The following AGR2 variants were observed in gnomAD, a reference collection of about 807,000 sequenced individuals.
The protein encoded by AGR2 is anterior gradient protein 2 homolog.
In AGR2, 27 loss-of-function variants were observed where a neutral mutation model predicts 25.9. The ratio of observed to expected loss-of-function variants is 1.04; its 90% CI spans 0.77 to 1.44. The LOEUF (loss-of-function observed/expected upper bound fraction) is 1.44, where lower values mean the gene tolerates loss of function less well. AGR2 is among the 40% of genes most tolerant of loss of function. The pLI is 0.00. For synonymous variants in AGR2, 78 were observed against 72.0 expected, an observed-to-expected ratio of 1.08 and a Z score of -0.42; for missense variants, 182 against 200.9, an observed-to-expected ratio of 0.91 and a Z score of 0.57.
intron 4 of AGR2, among the ~76,000 whole-genome samples, chr7:16,800,050 A>G (rs1276420122): frequency 6.6e-6 from 1 of 152,158 alleles, no homozygotes. Flanking sequence ...TCTCCAGCTC[A>G]TATTTATTGA....
At chr7:16,799,916 G>A in intron 4 of AGR2, 99 bp from the exon 5 acceptor site, 2 of 816,966 alleles carry the variant, frequency 2.4e-6, no homozygotes, top group South Asian at 1.8e-5. Flanking sequence ...TTATTGAATT[G>A]CATTTTAAAT....
intron 1 of AGR2, among the ~76,000 whole-genome samples, chr7:16,802,115 C>T (rs1027647429): frequency 4.6e-5 from 7 of 152,034 alleles, no homozygotes; most frequent in East Asian, 1.9e-4. Flanking sequence ...CGGTCAACCG[C>T]GTCCAAAATA....
At chr7:16,797,564 G>A in intron 6 of AGR2, 67 bp downstream of exon 6, 1 of 1,425,360 alleles carries the variant, frequency 7.0e-7, no homozygotes, top group Non-Finnish European at 9.9e-7. Context: ...GGACAGTGGG[G>A]AGGAGAGAAG....
intron 1 of AGR2, chr7:16,803,339 A>G (rs576205842): frequency 1.3e-5 from 2 of 152,312 alleles, no homozygotes; most frequent in South Asian, 2.1e-4. Flanking sequence ...GGATTCTGAT[A>G]AAACCAAACA....
chr7:16,794,805 G>T, intron 7 of AGR2, 131 bp downstream of exon 7: 1 of 1,543,790 alleles, frequency 6.5e-7, no homozygotes, highest in Non-Finnish European at 8.8e-7. Context: ...AGGCTAGTTA[G>T]GGTCAAACTG....
intron 1 of AGR2, among the ~76,000 whole-genome samples, chr7:16,803,760 C>G (rs1785186664): frequency 6.6e-6 from 1 of 152,266 alleles, no homozygotes; most frequent in Non-Finnish European, 1.5e-5. Context: ...ATTCTCAGCC[C>G]TCTTTGTATA....
intron 5 of AGR2, among the ~76,000 whole-genome samples, chr7:16,799,416 A>G (rs1422592366): frequency 6.6e-6 from 1 of 152,130 alleles, no homozygotes; most frequent in Non-Finnish European, 1.5e-5. Context: ...CCAAGAGATG[A>G]CCAGGATTAA....
At chr7:16,794,375 A>T (rs983768810) in intron 7 of AGR2, among the ~76,000 whole-genome samples, 3 of 152,198 alleles carry the variant, frequency 2.0e-5, no homozygotes, top group Non-Finnish European at 2.9e-5. Context: ...ATCAGATGTC[A>T]CAGCTAGCTA....
At chr7:16,797,357 A>C (rs1369587519) in intron 6 of AGR2, among the ~76,000 whole-genome samples, 1 of 152,246 alleles carries the variant, frequency 6.6e-6, no homozygotes, top group Non-Finnish European at 1.5e-5. Flanking sequence ...ATGTTTAAAT[A>C]GTGAATAGGG....
chr7:16,801,567 C>T, intron 2 of AGR2, 91 bp downstream of exon 2: 1 of 1,500,208 alleles, frequency 6.7e-7, no homozygotes, highest in Non-Finnish European at 9.3e-7. Context: ...AATAACCTGG[C>T]ACCAGGTTAG....
rs1483660993 is a variant in AGR2, at chr7:16,799,743, C to T, written c.330+1G>A. Reference sequence around the variant, plus strand: ...TTAGTAATGATGAAAAGGAAACTTACAACCAGATTGAGGAGGACAAACTGC... The same window carrying T: ...TTAGTAATGATGAAAAGGAAACTTATAACCAGATTGAGGAGGACAAACTGC... On this transcript the variant is annotated splice_donor_variant, in intron 5 of 7. Transcript: ENST00000419304. LOFTEE classifies it high-confidence loss of function. 5 of 1,609,710 alleles carry T rather than the reference C, an allele frequency of 3.1e-6. No individual in the cohort carries two copies. The highest frequency in any genetic ancestry group is 4.2e-6 in the Non-Finnish European group (5 of 1,177,318).
intron 7 of AGR2, 43 bp from the exon 8 acceptor site, chr7:16,793,000 G>A (rs192581998): frequency 4.5e-4 from 704 of 1,559,184 alleles, no homozygotes; most frequent in Admixed American, 9.2e-4. Flanking sequence ...ACCATCGTGC[G>A]TTATATCGAT....
In AGR2 at chr7:16,801,798, G is replaced by C. The variant is rs1489588001; in HGVS notation, c.-2C>G. ...TGCTGACACTGGAATTTTCTCCATG[G>C]CAACTCTAGTATGGAAAACCAACCA... On this transcript the variant is annotated 5_prime_UTR_variant, in exon 2 of 8. Coordinates refer to ENST00000419304, the MANE Select transcript of AGR2 (RefSeq NM_006408.4). 1 of 1,607,890 alleles carries C rather than the reference G, an allele frequency of 6.2e-7. No individual in the cohort carries two copies. The highest frequency in any genetic ancestry group is 1.1e-5 in the South Asian group (1 of 90,794).
chr7:16,797,577 G>T, intron 6 of AGR2, 54 bp downstream of exon 6: 1 of 1,520,700 alleles, frequency 6.6e-7, no homozygotes, highest in Non-Finnish European at 9.1e-7. Flanking sequence ...GAGAGAAGGA[G>T]GATGGCAGCA....
chr7:16,799,461 C>T (rs759101071), intron 5 of AGR2: 62 of 353,710 alleles, frequency 1.8e-4, no homozygotes, highest in Non-Finnish European at 2.7e-4. Flanking sequence ...TATAGAGGGA[C>T]AGGCACAGCA....
Position 16,792,472 on chromosome 7 carries a change from C to G in AGR2, c.*436G>C, listed in dbSNP as rs3735248. On this transcript the variant is annotated 3_prime_UTR_variant, in exon 8 of 8. Transcript: ENST00000419304. ...TGGCTTGATACTTCTGTTGATTAAG[C>G]TCGTGTCTACTTACAGTCATCTAGT... The G allele has an allele frequency of 1.6e-3, 249 of 158,920 alleles. 6 individuals carry two copies. The East Asian group carries it at 0.032, about 21-fold the overall frequency. The allele number at this position is 158,920 out of a possible 1,614,324, so 9.8% of individuals were successfully genotyped here. A position where few individuals can be genotyped will look rare whatever the true frequency, so the allele number is the denominator to read the frequency against.
At chr7:16,795,353 C>T (rs1419655364) in intron 6 of AGR2, among the ~76,000 whole-genome samples, 1 of 148,012 alleles carries the variant, frequency 6.8e-6, no homozygotes, top group Non-Finnish European at 1.5e-5. Flanking sequence ...TTAACATTCT[C>T]TACTGCAAAA....
chr7:16,800,016 C>G (rs1170096505), intron 4 of AGR2, among the ~76,000 whole-genome samples, 199 bp from the exon 5 acceptor site: 1 of 151,740 alleles, frequency 6.6e-6, no homozygotes, highest in African/African-American at 2.4e-5. Context: ...CTCATTCATC[C>G]ATTCATTCAT....
intron 7 of AGR2, chr7:16,794,665 T>C (rs1399246240): frequency 1.3e-5 from 10 of 772,562 alleles, no homozygotes; most frequent in South Asian, 2.2e-5. Flanking sequence ...ACAGAAAACC[T>C]GAAAATCAGG....
Sources: gnomAD v4.1 joint callset for allele counts (sites outside exome capture counted in the v4.1 genomes callset) on GRCh38, gnomAD v4.1.1 for gene constraint, MANE v1.5 for transcripts, NCBI Gene and HGNC (gene_info 2026-07-23, HGNC 2026-07-21) for gene names.